Variants in EPB41L3 observed in about 807,000 individuals in gnomAD.
EPB41L3 encodes band 4.1-like protein 3.
Under a neutral mutation model 127.1 loss-of-function variants are expected in EPB41L3, and 57 were observed. The observed-to-expected ratio is 0.45, with a 90% CI of 0.36 to 0.56. EPB41L3 has a LOEUF of 0.56. Among genes scored for constraint, EPB41L3 ranks in the 20% least tolerant of loss-of-function variants. EPB41L3 has a pLI of 0.00. For missense variants in EPB41L3, 1,273 were observed against 1,372.2 expected, an observed-to-expected ratio of 0.93 and a Z score of 1.14; for synonymous variants, 572 against 549.5, an observed-to-expected ratio of 1.04 and a Z score of -0.57.
intron 2 of EPB41L3, among the ~76,000 whole-genome samples, chr18:5,485,348 C>T (rs986289063): frequency 5.9e-5 from 9 of 151,708 alleles, no homozygotes; most frequent in African/African-American, 2.2e-4. Context: ...GAACATACCC[C>T]GAAATAATAC....
chr18:5,514,416 T>C (rs1465005532), intron 1 of EPB41L3, among the ~76,000 whole-genome samples: 1 of 152,186 alleles, frequency 6.6e-6, no homozygotes, highest in Non-Finnish European at 1.5e-5. Flanking sequence ...GTGGTAAAAA[T>C]ACAGGTTATA....
chr18:5,570,313 C>G (rs2094261090), intron 3 of EPB41L3: 2 of 152,116 alleles, frequency 1.3e-5, no homozygotes, highest in African/African-American at 4.8e-5. Context: ...AACACAAGGG[C>G]TTTATAACAT....
chr18:5,552,743 A>AC (rs11375337), intron 3 of EPB41L3, among the ~76,000 whole-genome samples: 37,942 of 151,902 alleles, frequency 0.25, 6,238 homozygotes, highest in African/African-American at 0.47. Flanking sequence ...CATCACCAGA[A>AC]CCCTCCAAGG....
Position 5,433,951 on chromosome 18 carries a change from T to C in EPB41L3, c.776A>G (p.His259Arg), listed in dbSNP as rs1011007395. The change falls in exon 7 of 23, where the codon CAC becomes CGC. Residue 259 changes from histidine to arginine, a missense_variant. Physicochemically the swap from His to Arg is conservative, Grantham distance 29 (BLOSUM62 0). Coordinates refer to ENST00000341928, the MANE Select transcript of EPB41L3 (RefSeq NM_012307.5). ...YISEFRFAPN[H>R]TKELEDKVIE... ...CACTTTGTCTTCCAGTTCTTTAGTGTGGTTTGGTGCAAAGCGGAACTCACT... is the reference window on the plus strand; with the variant it reads ...CACTTTGTCTTCCAGTTCTTTAGTGCGGTTTGGTGCAAAGCGGAACTCACT... 37 of 1,614,088 alleles carry C rather than the reference T, an allele frequency of 2.3e-5. No individual in the cohort carries two copies. The highest frequency in any genetic ancestry group is 3.0e-5 in the Non-Finnish European group (35 of 1,180,050).
intron 3 of EPB41L3, among the ~76,000 whole-genome samples, chr18:5,585,343 G>A (rs1038211787): frequency 1.4e-4 from 22 of 151,880 alleles, no homozygotes; most frequent in African/African-American, 1.2e-4. Flanking sequence ...TTTTTGAGTC[G>A]CCCAGGCTGG....
intron 13 of EPB41L3, among the ~76,000 whole-genome samples, chr18:5,412,700 G>A (rs976945302): frequency 2.0e-5 from 3 of 152,144 alleles, no homozygotes; most frequent in South Asian, 2.1e-4. Context: ...AAGGTTTAAC[G>A]TCAGATGAAC....
intron 12 of EPB41L3, among the ~76,000 whole-genome samples, chr18:5,418,790 T>C (rs2077122712): frequency 6.6e-6 from 1 of 152,228 alleles, no homozygotes; most frequent in Non-Finnish European, 1.5e-5. Context: ...AAAGGAACAC[T>C]TTCCATAGAA....
At position 5,466,542 on chromosome 18, in the gene EPB41L3, C is replaced by T. The variant is rs186038163; in HGVS notation, c.381+11699G>A. On this transcript the variant is annotated intron_variant, in intron 3 of 22. Transcript: ENST00000341928. ...TCCACATTTTGTTGGAAATCATGCA[C>T]GCAACACGCCACACACATCACATAC... Among the ~76,000 whole-genome samples, 495 of 152,286 alleles carry T rather than the reference C, an allele frequency of 3.3e-3. 3 individuals are homozygous for T. The highest frequency in any genetic ancestry group is 0.016 in the East Asian group (82 of 5,186).
At position 5,410,613 on chromosome 18, in the gene EPB41L3, T is replaced by C. The variant is rs1241677277; in HGVS notation, c.2074A>G (p.Ser692Gly). The C allele has an allele frequency of 6.2e-7, 1 of 1,613,320 alleles. No individual in the cohort carries two copies. The highest frequency in any genetic ancestry group is 8.5e-7 in the Non-Finnish European group (1 of 1,179,614). Residue 692 changes from serine (S) to glycine (G), a missense_variant, in exon 14 of 23, where the codon AGT becomes GGT. Around this residue, in one of 3 missense-constraint regions of EPB41L3, gnomAD observed 765 missense variants for 782.9 expected, o/e 0.98. Transcript: ENST00000341928. ...TCGGCTGCGGTGTCCGTGCGCTCAC[T>C]GTCAGTCTGTTGACCACAGAAGTGA... ...PSDSSEEETD[S>G]ERTDTAADGE...
At chr18:5,475,641 T>C (rs896867365) in intron 3 of EPB41L3, among the ~76,000 whole-genome samples, 3 of 152,268 alleles carry the variant, frequency 2.0e-5, no homozygotes, top group African/African-American at 7.2e-5. Context: ...TTACCAAGGC[T>C]GACTGCCCCT....
At chr18:5,470,252 T>G (rs1346170276) in intron 3 of EPB41L3, among the ~76,000 whole-genome samples, 1 of 152,188 alleles carries the variant, frequency 6.6e-6, no homozygotes, top group African/African-American at 2.4e-5. Flanking sequence ...CTTCCAGATA[T>G]AAAATTGTTT....
chr18:5,484,677 T>C (rs956067606), intron 2 of EPB41L3, among the ~76,000 whole-genome samples: 6 of 151,568 alleles, frequency 4.0e-5, no homozygotes, highest in Non-Finnish European at 8.8e-5. Context: ...ACCTAAGAAA[T>C]ATGAAGACTC....
intron 8 of EPB41L3, among the ~76,000 whole-genome samples, chr18:5,430,279 C>A (rs1169064244): frequency 6.6e-6 from 1 of 152,114 alleles, no homozygotes; most frequent in Non-Finnish European, 1.5e-5. Flanking sequence ...AAATAAACTA[C>A]CACTTGTCTT....
intron 1 of EPB41L3, among the ~76,000 whole-genome samples, chr18:5,526,541 A>G (rs1282258583): frequency 6.6e-6 from 1 of 152,214 alleles, no homozygotes; most frequent in Admixed American, 6.5e-5. Context: ...GATTTCACCA[A>G]TACCTACTGA....
At chr18:5,454,209 G>GT (rs558597098) in intron 3 of EPB41L3, among the ~76,000 whole-genome samples, 2,889 of 116,354 alleles carry the variant, frequency 0.025, 96 homozygotes, top group African/African-American at 0.057. Flanking sequence ...TTGTTTCCTT[G>GT]TTTTTTTTTT....
At chr18:5,615,884 T>C (rs1392071258) in intron 1 of EPB41L3, among the ~76,000 whole-genome samples, 1 of 152,164 alleles carries the variant, frequency 6.6e-6, no homozygotes, top group Non-Finnish European at 1.5e-5. Flanking sequence ...AAATCCCACC[T>C]TTCACAGGCC....
At chr18:5,433,675 T>C in intron 7 of EPB41L3, 119 bp from the exon 8 acceptor site, 1 of 938,492 alleles carries the variant, frequency 1.1e-6, no homozygotes, top group Non-Finnish European at 1.6e-6. Context: ...AGCAGATACA[T>C]GAGAAAAGAA....
chr18:5,460,587 T>C (rs1157112825), intron 3 of EPB41L3, among the ~76,000 whole-genome samples: 1 of 152,240 alleles, frequency 6.6e-6, no homozygotes, highest in East Asian at 1.9e-4. Context: ...CATTACTTAA[T>C]GGTTATTAAA....
At chr18:5,630,324 C>A, upstream of EPB41L3, 1 of 515,370 alleles carries the variant, frequency 1.9e-6, no homozygotes, top group East Asian at 5.5e-5. Flanking sequence ...GCCCACGGGG[C>A]TAGGCGGCGC....
Sources: gnomAD v4.1 joint callset for allele counts (sites outside exome capture counted in the v4.1 genomes callset) on GRCh38, gnomAD v4.1.1 for gene constraint, gnomAD v4.1.1 regional missense constraint, MANE v1.5 for transcripts, NCBI Gene and HGNC (gene_info 2026-07-23, HGNC 2026-07-21) for gene names.